The following JPH2 variants were observed in gnomAD, a reference collection of about 807,000 sequenced individuals.
JPH2 encodes junctophilin 2, also known as junctophilin-2.
A neutral mutation model predicts 55.9 loss-of-function variants in JPH2; 38 were observed. The observed-to-expected ratio is 0.68, with a 90% confidence interval of 0.52 to 0.89. JPH2 has a LOEUF of 0.89. Ranked by LOEUF, JPH2 falls within the 40% of genes least tolerant of loss-of-function variation. The pLI is 0.00. For synonymous variants in JPH2, 480 were observed against 472.4 expected, an observed-to-expected ratio of 1.02 and a Z score of -0.21; for missense variants, 964 against 1,037.6, an observed-to-expected ratio of 0.93 and a Z score of 0.97.
intron 2 of JPH2, among the ~76,000 whole-genome samples, chr20:44,143,816 G>C (rs1423236851): frequency 6.6e-6 from 1 of 152,216 alleles, no homozygotes; most frequent in African/African-American, 2.4e-5. Context: ...GTGGAGAAGA[G>C]TATGTGGCAG....
intron 2 of JPH2, among the ~76,000 whole-genome samples, chr20:44,149,499 C>T (rs2072516228): frequency 1.3e-5 from 2 of 152,192 alleles, no homozygotes; most frequent in African/African-American, 4.8e-5. Flanking sequence ...GTGAGTTTTC[C>T]TGCCTGGATG....
rs949186169 is a variant in JPH2, at chr20:44,109,710, A to G, written c.*3808T>C. Reference sequence around the variant, plus strand: ...CAGTTTAGGTATTATTTGTATTCTGAGTCACTTATTTGGGGGAGAGCATCT... The same window carrying G: ...CAGTTTAGGTATTATTTGTATTCTGGGTCACTTATTTGGGGGAGAGCATCT... On this transcript the variant is annotated 3_prime_UTR_variant, in exon 6 of 6. Coordinates refer to ENST00000372980, the MANE Select transcript of JPH2 (RefSeq NM_020433.5). 2.0e-5 allele frequency among the ~76,000 whole-genome samples: 3 copies of G among 152,166 alleles called. No individual in the cohort carries two copies. The highest frequency in any genetic ancestry group is 7.2e-5 in the African/African-American group (3 of 41,424).
At chr20:44,166,664 T>A (rs2072657747) in intron 1 of JPH2, among the ~76,000 whole-genome samples, 1 of 152,038 alleles carries the variant, frequency 6.6e-6, no homozygotes, top group African/African-American at 2.4e-5. Flanking sequence ...GACAGGGCCC[T>A]GGGAAGGGGA....
At chr20:44,122,513 A>G (rs565489963) in intron 2 of JPH2, among the ~76,000 whole-genome samples, 1 of 152,336 alleles carries the variant, frequency 6.6e-6, no homozygotes, top group Admixed American at 6.5e-5. Flanking sequence ...AATTTTAAAT[A>G]AAGCCTGGAT....
At chr20:44,155,839 T>G (rs770722298) in intron 2 of JPH2, among the ~76,000 whole-genome samples, 5 of 152,078 alleles carry the variant, frequency 3.3e-5, no homozygotes, top group African/African-American at 4.8e-5. Flanking sequence ...AGTTCGAGAA[T>G]AGTCTGGCCA....
In JPH2 at chr20:44,108,241, G is replaced by A. The variant is rs1221259190; in HGVS notation, c.*5277C>T. Among the ~76,000 whole-genome samples, 1 of 152,192 alleles carries A rather than the reference G, an allele frequency of 6.6e-6. No homozygotes were observed. Among genetic ancestry groups the A allele is most frequent in the African/African-American group, 2.4e-5 (1 of 41,444 alleles). On this transcript the variant is annotated 3_prime_UTR_variant, in exon 6 of 6. Transcript: ENST00000372980. ...CAGATACCGAGGACACGGGTGTTTA[G>A]CATTTGGAACCCTCCCAGATTCCTT... is the stretch of plus-strand genomic sequence containing the variant.
chr20:44,120,991 C>T (rs999389105), intron 2 of JPH2, among the ~76,000 whole-genome samples: 1 of 152,072 alleles, frequency 6.6e-6, no homozygotes, highest in East Asian at 1.9e-4. Flanking sequence ...TAAACAGACA[C>T]AAAAACTATT....
intron 2 of JPH2, among the ~76,000 whole-genome samples, chr20:44,122,925 C>T (rs1600833365): frequency 6.6e-6 from 1 of 151,800 alleles, no homozygotes; most frequent in Non-Finnish European, 1.5e-5. Context: ...AAGGGCTGGG[C>T]AAGCCTTCAA....
intron 2 of JPH2, among the ~76,000 whole-genome samples, chr20:44,136,612 C>A (rs1259788650): frequency 6.6e-6 from 1 of 152,108 alleles, no homozygotes; most frequent in Non-Finnish European, 1.5e-5. Flanking sequence ...CCCGTCAAAT[C>A]CACACAGCCA....
chr20:44,116,073 G>A lies in JPH2; in HGVS notation c.1602C>T (p.Ser534=), dbSNP rs1267350823. ...VTPSEGAGRR[S]PARPATERMA... Reference sequence around the variant, plus strand: ...TGCGCTCGGTGGCTGGACGCGCGGGGCTGCGGCGGCCCGCGCCCTCGGACG... The same window carrying A: ...TGCGCTCGGTGGCTGGACGCGCGGGACTGCGGCGGCCCGCGCCCTCGGACG... Residue 534 remains serine, a synonymous_variant, in exon 4 of 6, where the codon AGC becomes AGT. Transcript: ENST00000372980. The A allele has an allele frequency of 6.5e-7, 1 of 1,535,584 alleles. No homozygotes were observed. Among genetic ancestry groups the A allele is most frequent in the African/African-American group, 1.4e-5 (1 of 70,862 alleles).
intron 2 of JPH2, among the ~76,000 whole-genome samples, chr20:44,154,968 G>C (rs543210261): frequency 2.0e-5 from 3 of 151,004 alleles, no homozygotes; most frequent in Non-Finnish European, 4.4e-5. Flanking sequence ...CAGTCCCCAG[G>C]CTCACTTCCC....
At chr20:44,134,460 A>ATATATATAT (rs1569194221) in intron 2 of JPH2, among the ~76,000 whole-genome samples, 49 of 946 alleles carry the variant, frequency 0.052, 12 homozygotes, top group African/African-American at 0.16. Flanking sequence ...TATTTATTAT[A>ATATATATAT]AATATATATA....
At chr20:44,179,670 C>T (rs1266031543) in intron 1 of JPH2, among the ~76,000 whole-genome samples, 1 of 152,204 alleles carries the variant, frequency 6.6e-6, no homozygotes, top group Non-Finnish European at 1.5e-5. Context: ...AAGGGGTCCA[C>T]ATTTTCATTT....
chr20:44,186,253 T>G (rs896503622), intron 1 of JPH2, 74 bp downstream of exon 1: 46 of 1,561,474 alleles, frequency 2.9e-5, no homozygotes, highest in Non-Finnish European at 3.8e-5. Flanking sequence ...GCCGGTCGCC[T>G]TTCCCACCCT....
chr20:44,160,446 CG>C lies in JPH2; in HGVS notation c.380-40del, dbSNP rs2145879852. On this transcript the variant is annotated intron_variant, in intron 1 of 5. Coordinates refer to ENST00000372980, the MANE Select transcript of JPH2 (RefSeq NM_020433.5). The surrounding 1 kb of genome is among the most constrained non-coding windows in gnomAD (Gnocchi z 4.9). Reference sequence around the variant, plus strand: ...GAGGGCGCGTCAGTAGGCGGCACGACGGGTCCCCGCGTGTGCACGGTGGCCT... The same window carrying C: ...GAGGGCGCGTCAGTAGGCGGCACGACGGTCCCCGCGTGTGCACGGTGGCCT... 1 of 1,589,230 alleles carries C rather than the reference CG, an allele frequency of 6.3e-7. No homozygotes were observed. The highest frequency in any genetic ancestry group is 8.6e-7 in the Non-Finnish European group (1 of 1,168,468).
chr20:44,155,476 G>A (rs924762897), intron 2 of JPH2, among the ~76,000 whole-genome samples: 1 of 152,170 alleles, frequency 6.6e-6, no homozygotes, highest in African/African-American at 2.4e-5. Flanking sequence ...TCCATACAGA[G>A]GAATTTTAAA....
At chr20:44,124,413 A>G (rs1257278812) in intron 2 of JPH2, among the ~76,000 whole-genome samples, 1 of 152,114 alleles carries the variant, frequency 6.6e-6, no homozygotes, top group East Asian at 1.9e-4. Flanking sequence ...TTTAAGACCC[A>G]CCTGTATGTA....
rs1299065767 is a variant in JPH2, at chr20:44,159,159, G to A, written c.1169+459C>T. 6.6e-6 allele frequency among the ~76,000 whole-genome samples: 1 copy of A among 152,098 alleles called. No homozygotes were observed. The highest frequency in any genetic ancestry group is 1.5e-5 in the Non-Finnish European group (1 of 68,012). On this transcript the variant is annotated intron_variant, in intron 2 of 5. Transcript: ENST00000372980. The surrounding 1 kb of genome is among the most constrained non-coding windows in gnomAD (Gnocchi z 5.7). ...TCAGGTGGATGTTCAGGTGTGATGT[G>A]GGACTGGAGGTGGGTGTGTGGGTGG...
At chr20:44,142,260 G>A (rs907494350) in intron 2 of JPH2, among the ~76,000 whole-genome samples, 1 of 152,132 alleles carries the variant, frequency 6.6e-6, no homozygotes, top group Non-Finnish European at 1.5e-5. Flanking sequence ...CCCAGCTATC[G>A]AACACTTGAT....
Sources: gnomAD v4.1 joint callset for allele counts (sites outside exome capture counted in the v4.1 genomes callset) on GRCh38, gnomAD v4.1.1 for gene constraint, Gnocchi (gnomAD v3.1) non-coding constraint, MANE v1.5 for transcripts, NCBI Gene and HGNC (gene_info 2026-07-23, HGNC 2026-07-21) for gene names.